ANKRD6: variants seen among roughly 807,000 people sequenced by gnomAD.
The protein encoded by ANKRD6 is ankyrin repeat domain-containing protein 6.
A neutral mutation model predicts 82.3 loss-of-function variants in ANKRD6; 56 were observed. The ratio of observed to expected loss-of-function variants is 0.68; its 90% confidence interval spans 0.55 to 0.85. The LOEUF is 0.85. Ranked by LOEUF, ANKRD6 falls within the 40% of genes least tolerant of loss-of-function variation. The pLI, the probability that ANKRD6 is intolerant of heterozygous loss-of-function variation, is 0.00. For missense variants in ANKRD6, 852 were observed against 907.6 expected (o/e 0.94, Z 0.79); for synonymous variants, 347 against 352.1 (o/e 0.99, Z 0.16).
Position 89,603,102 on chromosome 6 carries a change from G to A in ANKRD6, c.293G>A (p.Gly98Glu). 6.2e-7 allele frequency: 1 copy of A among 1,606,052 alleles called. No individual in the cohort carries two copies. The highest frequency in any genetic ancestry group is 8.5e-7 in the Non-Finnish European group (1 of 1,176,730). The change falls in exon 4 of 16, where the codon GGG becomes GAG. Residue 98 changes from glycine (G) to glutamate (E), a missense_variant. Physicochemically the swap from Gly to Glu is moderately conservative, Grantham distance 98 (BLOSUM62 -2). Coordinates refer to ENST00000339746, the MANE Select transcript of ANKRD6 (RefSeq NM_001242809.2). The part of the protein sequence containing the change: ...TEIIAALIHE[G>E]CALDRQDKDG... Reference sequence around the variant, plus strand: ...ATCATCGCGGCGCTCATCCACGAAGGGTGTGCCCTGGACAGACAAGACAAG... The same window carrying A: ...ATCATCGCGGCGCTCATCCACGAAGAGTGTGCCCTGGACAGACAAGACAAG...
At chr6:89,545,387 C>T (rs1475607720) in intron 1 of ANKRD6, among the ~76,000 whole-genome samples, 1 of 152,078 alleles carries the variant, frequency 6.6e-6, no homozygotes, top group Non-Finnish European at 1.5e-5. Flanking sequence ...CAGTGGTTTC[C>T]TGTAGCGGTA....
At chr6:89,465,709 T>A (rs1028890048) in intron 1 of ANKRD6, among the ~76,000 whole-genome samples, 6 of 151,766 alleles carry the variant, frequency 4.0e-5, no homozygotes, top group African/African-American at 1.2e-4. Context: ...AAAAATTTTT[T>A]AAAATTAGCC....
At chr6:89,621,716 CCTA>C (rs1195017573) in intron 9 of ANKRD6, 8 of 588,334 alleles carry the variant, frequency 1.4e-5, no homozygotes, top group Non-Finnish European at 2.2e-5. Context: ...GGGATAATAT[CCTA>C]CCTGTCTCCG....
intron 10 of ANKRD6, among the ~76,000 whole-genome samples, chr6:89,622,505 T>C (rs1357316628): frequency 6.6e-6 from 1 of 152,194 alleles, no homozygotes; most frequent in Non-Finnish European, 1.5e-5. Context: ...GGGATTCTCA[T>C]GGGGACTAAA....
rs534094385 is a variant in ANKRD6 at position 89,550,181 on chromosome 6, G to C, written c.-143-16653G>C. 2.6e-5 allele frequency among the ~76,000 whole-genome samples: 4 copies of C among 151,862 alleles called. No homozygotes were observed. The South Asian group carries it at 8.3e-4, about 32-fold the overall frequency. On this transcript the variant is annotated intron_variant, in intron 1 of 15. Transcript: ENST00000339746. ...AGTAATTCTGCTGTTAGGTATATAT[G>C]GTATATATATATGTGTCTGTATATT...
intron 6 of ANKRD6, among the ~76,000 whole-genome samples, chr6:89,613,147 A>G (rs1800649892): frequency 6.6e-6 from 1 of 152,152 alleles, no homozygotes; most frequent in South Asian, 2.1e-4. Flanking sequence ...TCTTTGTGGG[A>G]ACAGGGTTCT....
At chr6:89,539,481 T>C (rs1220836874) in intron 1 of ANKRD6, among the ~76,000 whole-genome samples, 1 of 152,158 alleles carries the variant, frequency 6.6e-6, no homozygotes, top group African/African-American at 2.4e-5. Context: ...AGTATGTATA[T>C]AAGCATTTAT....
At chr6:89,504,685 G>C (rs1779646613) in intron 1 of ANKRD6, among the ~76,000 whole-genome samples, 2 of 152,190 alleles carry the variant, frequency 1.3e-5, no homozygotes, top group Admixed American at 1.3e-4. Context: ...GATTATAAGT[G>C]TGAGCTACTC....
chr6:89,539,604 A>G (rs1562759064), intron 1 of ANKRD6, among the ~76,000 whole-genome samples: 3 of 152,226 alleles, frequency 2.0e-5, no homozygotes, highest in South Asian at 4.2e-4. Context: ...TAGGCATGCA[A>G]TGTGAAATAC....
intron 1 of ANKRD6, among the ~76,000 whole-genome samples, chr6:89,566,281 A>G (rs1482239640): frequency 6.6e-6 from 1 of 152,244 alleles, no homozygotes; most frequent in Non-Finnish European, 1.5e-5. Context: ...AGAACTCGTG[A>G]ACTACACTAT....
intron 2 of ANKRD6, among the ~76,000 whole-genome samples, chr6:89,595,217 C>A (rs1439720168): frequency 6.6e-6 from 1 of 152,084 alleles, no homozygotes; most frequent in Non-Finnish European, 1.5e-5. Flanking sequence ...CAGAAATTAG[C>A]TAGGTGGTAG....
At chr6:89,552,654 G>C (rs1786010008) in intron 1 of ANKRD6, among the ~76,000 whole-genome samples, 1 of 152,182 alleles carries the variant, frequency 6.6e-6, no homozygotes, top group Non-Finnish European at 1.5e-5. Context: ...AATATTTAGT[G>C]AGTGCTTTTT....
At chr6:89,453,926 G>A (rs1174451595) in intron 1 of ANKRD6, among the ~76,000 whole-genome samples, 3 of 151,674 alleles carry the variant, frequency 2.0e-5, no homozygotes, top group South Asian at 4.2e-4. Context: ...CTTAGCCTCC[G>A]GAGTAGCTGG....
At chr6:89,434,700 C>G (rs1361000867) in intron 1 of ANKRD6, among the ~76,000 whole-genome samples, 1 of 152,160 alleles carries the variant, frequency 6.6e-6, no homozygotes, top group African/African-American at 2.4e-5. Flanking sequence ...GTTGGGATTA[C>G]AGGTGTGAGC....
At chr6:89,488,057 T>C (rs774874940) in intron 1 of ANKRD6, among the ~76,000 whole-genome samples, 4 of 152,200 alleles carry the variant, frequency 2.6e-5, no homozygotes, top group Non-Finnish European at 4.4e-5. Flanking sequence ...CCAGGATGCT[T>C]GTTCAGCTTG....
intron 15 of ANKRD6, 107 bp from the exon 16 acceptor site, chr6:89,630,326 A>G: frequency 2.3e-6 from 3 of 1,323,540 alleles, no homozygotes; most frequent in Non-Finnish European, 3.0e-6. Flanking sequence ...GGTGATGGAG[A>G]AGGCTGGTGA....
chr6:89,474,982 C>G (rs1462827944), intron 1 of ANKRD6, among the ~76,000 whole-genome samples: 2 of 152,110 alleles, frequency 1.3e-5, no homozygotes, highest in Admixed American at 1.3e-4. Flanking sequence ...TGTGTTTTTA[C>G]TTTGGCTCCT....
rs78663151 is a variant in ANKRD6, at chr6:89,578,753, C to T, written c.120+11657C>T. Among the ~76,000 whole-genome samples, 227 of 152,312 alleles carry T rather than the reference C, an allele frequency of 1.5e-3. 1 individual carries two copies. Among genetic ancestry groups the T allele is most frequent in the African/African-American group, 5.3e-3 (219 of 41,562 alleles). The stretch of plus-strand genomic sequence containing the variant: ...TACTATCTGGTTGAAATCCTTACCA[C>T]AGCTCTGCCAAGCTAGTGCTCTTAT... On this transcript the variant is annotated intron_variant, in intron 2 of 15. Transcript: ENST00000339746.
At chr6:89,469,588 C>T (rs531700711) in intron 1 of ANKRD6, among the ~76,000 whole-genome samples, 3 of 152,286 alleles carry the variant, frequency 2.0e-5, no homozygotes, top group Admixed American at 2.0e-4. Context: ...ACTTTTCTTA[C>T]CACCCATATC....
Sources: gnomAD v4.1 joint callset for allele counts (sites outside exome capture counted in the v4.1 genomes callset) on GRCh38, gnomAD v4.1.1 for gene constraint, MANE v1.5 for transcripts, NCBI Gene and HGNC (gene_info 2026-07-23, HGNC 2026-07-21) for gene names.